DMD: variants seen among roughly 807,000 people sequenced by gnomAD.
DMD encodes the protein dystrophin.
In DMD, 63 loss-of-function variants were observed where a neutral mutation model predicts 330.1. The ratio of observed to expected loss-of-function variants is 0.19; its 90% CI spans 0.16 to 0.24. DMD has a LOEUF of 0.24. Among genes scored for constraint, DMD ranks in the 10% least tolerant of loss-of-function variants. The pLI, the probability that DMD is intolerant of heterozygous loss-of-function variation, is 1.00. For synonymous variants in DMD, 1,223 were observed against 959.8 expected (o/e 1.27, Z -5.07); for missense variants, 3,344 against 2,684.1 (o/e 1.25, Z -5.43).
intron 50 of DMD, among the ~76,000 whole-genome samples, chrX:31,804,637 C>G (rs1181802300): frequency 9.0e-6 from 1 of 111,553 alleles, no homozygotes; most frequent in African/African-American, 3.3e-5. Context: ...TTTCCAGCAT[C>G]ATCTGGAATG....
intron 37 of DMD, among the ~76,000 whole-genome samples, chrX:32,351,729 T>G (rs1190881896): frequency 2.7e-5 from 3 of 110,650 alleles, no homozygotes; most frequent in African/African-American, 9.8e-5. Context: ...ACATGGAATT[T>G]TAAATAACAC....
intron 57 of DMD, among the ~76,000 whole-genome samples, chrX:31,489,496 A>G (rs1279735271): frequency 1.8e-5 from 2 of 111,897 alleles, no homozygotes; most frequent in African/African-American, 6.5e-5. Context: ...ATCTTTCTCT[A>G]TTCATGCTTT....
intron 1 of DMD, among the ~76,000 whole-genome samples, chrX:33,330,716 G>A (rs2054160291): frequency 8.9e-6 from 1 of 112,173 alleles, no homozygotes; most frequent in African/African-American, 3.2e-5. Flanking sequence ...TTCCAGTGAA[G>A]ATGAGCAACA....
intron 1 of DMD, among the ~76,000 whole-genome samples, chrX:33,070,635 A>C (rs866853375): frequency 1.7e-5 from 1 of 58,772 alleles, no homozygotes; most frequent in African/African-American, 6.0e-5. Context: ...ATCTGTATCT[A>C]TCCATCTCTC....
At chrX:31,736,002 AT>A (rs1215730281) in intron 51 of DMD, among the ~76,000 whole-genome samples, 2 of 110,317 alleles carry the variant, frequency 1.8e-5, no homozygotes, top group Admixed American at 1.9e-4. Context: ...GAAATTCTTA[AT>A]TTTTTTTTAA....
At chrX:31,513,569 A>T (rs1032585061) in intron 55 of DMD, among the ~76,000 whole-genome samples, 2 of 111,902 alleles carry the variant, frequency 1.8e-5, no homozygotes, top group Non-Finnish European at 3.8e-5. Context: ...TTCACTTCTG[A>T]CTTAACTAGA....
intron 9 of DMD, 45 bp from the exon 10 acceptor site, chrX:32,645,197 C>T (rs765966876): frequency 9.2e-5 from 105 of 1,140,215 alleles, no homozygotes; most frequent in Non-Finnish European, 1.2e-4. Flanking sequence ...AATGTCTTTG[C>T]AGATTGTTCC....
intron 13 of DMD, among the ~76,000 whole-genome samples, chrX:32,590,250 T>A (rs1268260884): frequency 1.8e-5 from 2 of 112,538 alleles, no homozygotes; most frequent in African/African-American, 6.5e-5. Context: ...GTTTATTAAC[T>A]GCATGAGATA....
At chrX:32,791,940 C>A (rs779624672) in intron 7 of DMD, among the ~76,000 whole-genome samples, 9 of 111,730 alleles carry the variant, frequency 8.1e-5, no homozygotes, top group Non-Finnish European at 1.5e-4. Context: ...CACATTATAG[C>A]CAAACTCTCA....
At chrX:32,572,550 G>GTT (rs34204984) in intron 15 of DMD, among the ~76,000 whole-genome samples, 4 of 96,760 alleles carry the variant, frequency 4.1e-5, no homozygotes, top group South Asian at 4.9e-4. Flanking sequence ...AAACTTTAGA[G>GTT]TTTTTTTTTT....
At chrX:31,925,453 G>A (rs1315123307) in intron 47 of DMD, among the ~76,000 whole-genome samples, 2 of 111,394 alleles carry the variant, frequency 1.8e-5, no homozygotes, top group Admixed American at 9.6e-5. Flanking sequence ...GAGGAAAGGG[G>A]ACACAAAATA....
chrX:32,269,329 A>G (rs2097356899), intron 43 of DMD, among the ~76,000 whole-genome samples: 1 of 111,775 alleles, frequency 8.9e-6, no homozygotes, highest in Non-Finnish European at 1.9e-5. Flanking sequence ...CCAAAATACA[A>G]AACCATAAAT....
chrX:31,845,413 CT>C lies in DMD; in HGVS notation c.7099-8595del, dbSNP rs1569474929. Among the ~76,000 whole-genome samples the C allele has an allele frequency of 8.0e-3, 831 of 103,672 alleles. 23 individuals are homozygous for C. The highest frequency in any genetic ancestry group is 0.028 in the African/African-American group (776 of 28,052). 90.0% of individuals were successfully genotyped at this position (103,672 alleles called of 115,157 possible). A position where few individuals can be genotyped will look rare whatever the true frequency, so the allele number is the denominator to read the frequency against. On this transcript the variant is annotated intron_variant, in intron 48 of 78. Coordinates refer to ENST00000357033, the MANE Select transcript of DMD (RefSeq NM_004006.3). ...TCTCTCTCTCTCTCTCTCTCTCTCT[CT>C]CTCTCTCTCTCCCTCTCCTCCCGTC...
At chrX:32,248,662 C>T (rs2097251897) in intron 43 of DMD, among the ~76,000 whole-genome samples, 1 of 109,877 alleles carries the variant, frequency 9.1e-6, no homozygotes, top group Admixed American at 9.8e-5. Flanking sequence ...ATTTTAACTC[C>T]TTGGTTCTCA....
chrX:31,673,749 G>A (rs1347429168), intron 53 of DMD, among the ~76,000 whole-genome samples: 1 of 112,060 alleles, frequency 8.9e-6, no homozygotes, highest in Non-Finnish European at 1.9e-5. Flanking sequence ...AGAAAATATG[G>A]TACAATCAAA....
chrX:31,151,356 G>T (rs901599565), intron 74 of DMD, among the ~76,000 whole-genome samples: 3 of 112,316 alleles, frequency 2.7e-5, no homozygotes, highest in African/African-American at 6.5e-5. Context: ...CTTTCTACCA[G>T]ATTGGGGCAG....
intron 34 of DMD, among the ~76,000 whole-genome samples, chrX:32,373,133 C>T (rs765152078): frequency 2.1e-4 from 23 of 110,183 alleles, no homozygotes; most frequent in Admixed American, 6.9e-4. Context: ...AATTGTGTCA[C>T]GCACCACCCA....
chrX:31,500,976 C>T (rs1309363010), intron 56 of DMD, among the ~76,000 whole-genome samples: 5 of 112,117 alleles, frequency 4.5e-5, no homozygotes, highest in Non-Finnish European at 9.4e-5. Context: ...TGACTCTGTA[C>T]ATAGCAAACT....
intron 62 of DMD, among the ~76,000 whole-genome samples, chrX:31,302,046 T>C (rs1360113782): frequency 1.8e-5 from 2 of 112,260 alleles, no homozygotes; most frequent in Non-Finnish European, 1.9e-5. Flanking sequence ...CCAGAGGAAT[T>C]TGAAGTCTCT....
Sources: gnomAD v4.1 joint callset for allele counts (sites outside exome capture counted in the v4.1 genomes callset) on GRCh38, gnomAD v4.1.1 for gene constraint, MANE v1.5 for transcripts, NCBI Gene and HGNC (gene_info 2026-07-23, HGNC 2026-07-21) for gene names.